CACNA1H: variants seen among roughly 807,000 people sequenced by gnomAD.
CACNA1H encodes voltage-dependent T-type calcium channel subunit alpha-1H.
CACNA1H carries 149 observed loss-of-function variants against 192.5 expected under a neutral mutation model. The observed-to-expected ratio is 0.77, with a 90% CI of 0.68 to 0.89. CACNA1H has a LOEUF of 0.89. Ranked by LOEUF, CACNA1H falls within the 40% of genes least tolerant of loss-of-function variation. The pLI, the probability that CACNA1H is intolerant of heterozygous loss-of-function variation, is 0.00. For synonymous variants in CACNA1H, 2,202 were observed against 1,475.2 expected (o/e 1.49, Z -11.29); for missense variants, 4,257 against 3,423.5 (o/e 1.24, Z -6.08).
At chr16:1,195,397 T>G (rs1193638803) in intron 3 of CACNA1H, 35 bp from the exon 4 acceptor site, 1 of 1,549,954 alleles carries the variant, frequency 6.5e-7, no homozygotes, top group East Asian at 2.4e-5. Context: ...TGAGCTGAGC[T>G]GTTCCACGGG....
chr16:1,188,868 T>C (rs1386323442), intron 2 of CACNA1H, among the ~76,000 whole-genome samples: 1 of 152,182 alleles, frequency 6.6e-6, no homozygotes, highest in African/African-American at 2.4e-5. Flanking sequence ...CAGGCGAGGC[T>C]GCTGATTCAG....
chr16:1,209,979 A>T, intron 17 of CACNA1H, 56 bp from the exon 18 acceptor site: 1 of 1,354,846 alleles, frequency 7.4e-7, no homozygotes, highest in Non-Finnish European at 1.0e-6. Context: ...GAGGGCCCTG[A>T]TGGGGGGCCG....
intron 5 of CACNA1H, among the ~76,000 whole-genome samples, chr16:1,198,396 G>C (rs551449471): frequency 6.6e-6 from 1 of 152,298 alleles, no homozygotes; most frequent in African/African-American, 2.4e-5. Context: ...TCAGACCCCA[G>C]GGTGTCAGTG....
At chr16:1,218,831 G>A (rs1359733510) in intron 33 of CACNA1H, 139 bp from the exon 34 acceptor site, 3 of 1,126,190 alleles carry the variant, frequency 2.7e-6, no homozygotes, top group African/African-American at 1.5e-5. Context: ...CTGGGTGTGG[G>A]CAGGTGAGAG....
chr16:1,189,650 G>T (rs1439723800), intron 2 of CACNA1H, among the ~76,000 whole-genome samples: 1 of 151,966 alleles, frequency 6.6e-6, no homozygotes, highest in Non-Finnish European at 1.5e-5. Context: ...TCAGACTCCT[G>T]GGTTCCAAAT....
At position 1,221,096 on chromosome 16, in the gene CACNA1H, G is replaced by C; in HGVS notation, c.*102G>C. 1 of 898,108 alleles carries C rather than the reference G, an allele frequency of 1.1e-6. No homozygotes were observed. The highest frequency in any genetic ancestry group is 2.9e-5 in the Admixed American group (1 of 34,176). 55.6% of individuals were successfully genotyped at this position (898,108 alleles called of 1,614,324 possible). A position where few individuals can be genotyped will look rare whatever the true frequency, so the allele number is the denominator to read the frequency against. ...CTGCATGGACCCTGACTTGGGTCCC[G>C]TCGTGAGCAGAAAGGCCCGGGGAGG... On this transcript the variant is annotated 3_prime_UTR_variant, in exon 35 of 35. Coordinates refer to ENST00000348261, the MANE Select transcript of CACNA1H (RefSeq NM_021098.3).
At chr16:1,205,828 C>A (rs1968629579) in intron 11 of CACNA1H, among the ~76,000 whole-genome samples, 1 of 152,194 alleles carries the variant, frequency 6.6e-6, no homozygotes, top group African/African-American at 2.4e-5. Flanking sequence ...TAGGAGAGCG[C>A]CCTCGGCGAA....
At chr16:1,212,263 G>C in intron 25 of CACNA1H, 125 bp downstream of exon 25, 1 of 1,371,520 alleles carries the variant, frequency 7.3e-7, no homozygotes, top group Non-Finnish European at 9.7e-7. Context: ...CCTTGCCTGG[G>C]CCTGCATGGG....
chr16:1,211,592 G>C lies in CACNA1H; in HGVS notation c.4462G>C (p.Asp1488His). Residue 1488 changes from aspartate (D) to histidine (H), a missense_variant, in exon 23 of 35, where the codon GAC (aspartate) becomes CAC (histidine). Asp to His is a moderately conservative substitution (Grantham distance 81, BLOSUM62 -1). Coordinates refer to ENST00000348261, the MANE Select transcript of CACNA1H (RefSeq NM_021098.3). ...CTGGGTGCGACGCAAGTACAACTTC[G>C]ACAACCTGGGCCAGGTGGGCTGGGC... is the stretch of plus-strand genomic sequence containing the variant. ...YRWVRRKYNF[D>H]NLGQALMSLF... The C allele has an allele frequency of 6.2e-7, 1 of 1,609,918 alleles. No individual in the cohort carries two copies. The highest frequency in any genetic ancestry group is 8.5e-7 in the Non-Finnish European group (1 of 1,178,572).
rs939109422 is a variant in CACNA1H, at chr16:1,200,775, C to T, written c.1179C>T (p.Phe393=). ...IMYYVMDAHS[F]YNFIYFILLI... The stretch of plus-strand genomic sequence containing the variant: ...ACTACGTCATGGACGCCCACTCATT[C>T]TACAACTTCATCTATTTCATCCTGC... Residue 393 remains phenylalanine (F), a synonymous_variant, in exon 8 of 35, where the codon TTC becomes TTT. Transcript: ENST00000348261. 5.8e-6 allele frequency: 9 copies of T among 1,554,072 alleles called. No individual in the cohort carries two copies. Among genetic ancestry groups the T allele is most frequent in the African/African-American group, 4.1e-5 (3 of 73,136 alleles).
intron 2 of CACNA1H, among the ~76,000 whole-genome samples, chr16:1,183,724 C>A (rs888577225): frequency 1.3e-5 from 2 of 152,256 alleles, no homozygotes; most frequent in African/African-American, 4.8e-5. Context: ...CCCTGTGAGG[C>A]TGGGGGGCGG....
intron 5 of CACNA1H, among the ~76,000 whole-genome samples, chr16:1,197,052 G>A (rs905744502): frequency 7.9e-5 from 12 of 152,190 alleles, no homozygotes; most frequent in Non-Finnish European, 1.2e-4. Context: ...AGACCCCCAA[G>A]GCTAGGCACT....
chr16:1,200,982 A>G (rs1967806788), intron 8 of CACNA1H, among the ~76,000 whole-genome samples, 174 bp downstream of exon 8: 1 of 151,966 alleles, frequency 6.6e-6, no homozygotes, highest in South Asian at 2.1e-4. Context: ...GGACCCCAAG[A>G]GGCCATGGCA....
intron 2 of CACNA1H, among the ~76,000 whole-genome samples, chr16:1,181,155 A>G (rs1029807921): frequency 3.9e-5 from 6 of 152,212 alleles, no homozygotes; most frequent in Non-Finnish European, 8.8e-5. Context: ...GTCTTCCCCA[A>G]GGTCCCCTCC....
chr16:1,215,483 G>C, intron 29 of CACNA1H, 40 bp from the exon 30 acceptor site: 1 of 1,602,292 alleles, frequency 6.2e-7, no homozygotes, highest in South Asian at 1.1e-5. Context: ...CAGCAGGGAG[G>C]GTCCGCCCAG....
In CACNA1H at chr16:1,196,043, T is replaced by G; in HGVS notation, c.643+20T>G. 6.3e-7 allele frequency: 1 copy of G among 1,596,984 alleles called. No homozygotes were observed. The highest frequency in any genetic ancestry group is 8.6e-7 in the Non-Finnish European group (1 of 1,165,390). ...TGCCTAGTAAGTGACCGGCCCCGACTGGGCTTGAGATCAACAGGCTTGCGT... is the reference window on the plus strand; with the variant it reads ...TGCCTAGTAAGTGACCGGCCCCGACGGGGCTTGAGATCAACAGGCTTGCGT... On this transcript the variant is annotated intron_variant, in intron 5 of 34. Coordinates refer to ENST00000348261, the MANE Select transcript of CACNA1H (RefSeq NM_021098.3).
intron 2 of CACNA1H, among the ~76,000 whole-genome samples, chr16:1,155,814 C>T (rs890669049): frequency 5.9e-5 from 9 of 152,108 alleles, no homozygotes; most frequent in Non-Finnish European, 1.3e-4. Context: ...GGCTGGGTGG[C>T]CTCATGCAGG....
chr16:1,202,355 G>C lies in CACNA1H; in HGVS notation c.1905G>C (p.Lys635Asn). ...KGSTSPGPKGKWAGGPPGTGG... is the reference protein window; with the variant it reads ...KGSTSPGPKGNWAGGPPGTGG... ...GCACCAGCCCCGGACCCAAGGGGAA[G>C]TGGGCCGGTGGACCGCCAGGCACCG... is the stretch of plus-strand genomic sequence containing the variant. The change falls in exon 9 of 35, where the codon AAG becomes AAC. Residue 635 changes from lysine (K) to asparagine (N), a missense_variant. Physicochemically the swap from Lys to Asn is moderately conservative, Grantham distance 94. Transcript: ENST00000348261. The C allele has an allele frequency of 6.4e-7, 1 of 1,565,954 alleles. No homozygotes were observed. Among genetic ancestry groups the C allele is most frequent in the Non-Finnish European group, 8.6e-7 (1 of 1,157,484 alleles).
rs769178587 is a variant in CACNA1H at position 1,215,239 on chromosome 16, C to T, written c.5040-3C>T. On this transcript the variant is annotated splice_polypyrimidine_tract_variant and splice_region_variant and intron_variant, in intron 28 of 34. Coordinates refer to ENST00000348261, the MANE Select transcript of CACNA1H (RefSeq NM_021098.3). ...CGTGTGCGCTGAGCCTCCGGCCACA[C>T]AGGTGGAACCAGCTGGACCTGGCCA... 26 of 1,600,148 alleles carry T rather than the reference C, an allele frequency of 1.6e-5. No individual in the cohort carries two copies. The highest frequency in any genetic ancestry group is 1.6e-4 in the African/African-American group (12 of 74,658).
Sources: allele counts gnomAD v4.1 joint callset (sites outside exome capture counted in the v4.1 genomes callset), GRCh38; gene constraint gnomAD v4.1.1; transcripts MANE v1.5; gene names NCBI Gene and HGNC (gene_info 2026-07-23, HGNC 2026-07-21).